The following WNK1 variants were observed in gnomAD, a reference collection of about 807,000 sequenced individuals.
The protein encoded by WNK1 is serine/threonine-protein kinase WNK1.
In WNK1, 38 loss-of-function variants were observed where a neutral mutation model predicts 222.8. The observed-to-expected ratio is 0.17, with a 90% CI of 0.13 to 0.22. The LOEUF (loss-of-function observed/expected upper bound fraction) is 0.22, where lower values mean the gene tolerates loss of function less well. Among genes scored for constraint, WNK1 ranks in the 10% least tolerant of loss-of-function variants. The pLI is 1.00. For missense variants in WNK1, 2,348 were observed against 2,918.4 expected (o/e 0.80, Z 4.50); for synonymous variants, 1,090 against 1,092.9 (o/e 1.00, Z 0.05).
chr12:772,410 T>C (rs895346269), intron 1 of WNK1, among the ~76,000 whole-genome samples: 5 of 71,220 alleles, frequency 7.0e-5, no homozygotes, highest in Non-Finnish European at 1.8e-4. Context: ...TTGGGGTGTG[T>C]GTGTGTGTGT....
intron 2 of WNK1, among the ~76,000 whole-genome samples, chr12:818,384 G>A (rs1334204148): frequency 6.6e-6 from 1 of 152,190 alleles, no homozygotes; most frequent in Non-Finnish European, 1.5e-5. Flanking sequence ...GTGATTTTGG[G>A]CAAATAGCTA....
In WNK1 at chr12:884,894, A is replaced by G; in HGVS notation, c.4090A>G (p.Asn1364Asp). The change falls in exon 19 of 28, where the codon AAT (asparagine) becomes GAT (aspartate). Residue 1364 changes from asparagine to aspartate, a missense_variant. Physicochemically the swap from Asn to Asp is conservative, Grantham distance 23 (BLOSUM62 1). Transcript: ENST00000315939. This position sits in a 1 kb window ranked among gnomAD's most constrained non-coding sequence, Gnocchi z 5.6. ...APVPATSSPP[N>D]DISTSVIQSE... ...AGTCCCTGCAACAAGCAGCCCTCCT[A>G]ATGACATTTCCACATCAGTAATTCA... 1.2e-6 allele frequency: 2 copies of G among 1,614,050 alleles called. No individual in the cohort carries two copies. The highest frequency in any genetic ancestry group is 1.7e-6 in the Non-Finnish European group (2 of 1,179,992).
chr12:845,957 T>C (rs1949997997), intron 4 of WNK1, among the ~76,000 whole-genome samples: 1 of 152,218 alleles, frequency 6.6e-6, no homozygotes, highest in East Asian at 1.9e-4. Context: ...GATAATGTCT[T>C]CATTTCACAG....
chr12:894,370 A>T (rs1337926364), intron 22 of WNK1, among the ~76,000 whole-genome samples, 192 bp from the exon 23 acceptor site: 1 of 152,184 alleles, frequency 6.6e-6, no homozygotes, highest in Non-Finnish European at 1.5e-5. Flanking sequence ...GTTGGTATCT[A>T]GTAGTAGAGC....
intron 9 of WNK1, among the ~76,000 whole-genome samples, chr12:872,237 C>T (rs1455530605): frequency 6.6e-6 from 1 of 152,130 alleles, no homozygotes; most frequent in Non-Finnish European, 1.5e-5. Context: ...GCTATTCTCA[C>T]GCCTCAGCCG....
At chr12:893,876 A>G (rs2154092776) in intron 22 of WNK1, among the ~76,000 whole-genome samples, 1 of 144,938 alleles carries the variant, frequency 6.9e-6, no homozygotes, top group South Asian at 2.2e-4. Flanking sequence ...CTATTCTAGA[A>G]TTTGCCAGTG....
intron 20 of WNK1, among the ~76,000 whole-genome samples, chr12:887,998 C>T (rs1388477856): frequency 6.6e-6 from 1 of 152,142 alleles, no homozygotes; most frequent in Non-Finnish European, 1.5e-5. Flanking sequence ...TTTATTATTT[C>T]TCTTTCCCAC....
intron 9 of WNK1, among the ~76,000 whole-genome samples, chr12:875,454 T>C (rs1217266484): frequency 2.0e-5 from 3 of 152,204 alleles, no homozygotes; most frequent in Non-Finnish European, 2.9e-5. Flanking sequence ...GTTAGAAATG[T>C]TCATTGAGAA....
At chr12:801,202 C>T (rs1489909535) in intron 1 of WNK1, among the ~76,000 whole-genome samples, 2 of 152,136 alleles carry the variant, frequency 1.3e-5, no homozygotes, top group Non-Finnish European at 2.9e-5. Flanking sequence ...GCTGTTTATA[C>T]TGTCATTCTG....
At chr12:777,844 A>G (rs7973061) in intron 1 of WNK1, among the ~76,000 whole-genome samples, 1,542 of 152,324 alleles carry the variant, frequency 0.01, 28 homozygotes, top group African/African-American at 0.035. Flanking sequence ...AACAGTTTAC[A>G]GTATTTATCA....
intron 2 of WNK1, among the ~76,000 whole-genome samples, chr12:825,467 G>C (rs183829169): frequency 1.5e-3 from 223 of 152,028 alleles, no homozygotes; most frequent in African/African-American, 5.3e-3. Context: ...GCACAAATAA[G>C]GTTTTCATAT....
chr12:894,529 CTT>C (rs1459815469), intron 22 of WNK1, 31 bp from the exon 23 acceptor site: 1 of 1,573,434 alleles, frequency 6.4e-7, no homozygotes, highest in Non-Finnish European at 8.7e-7. Context: ...GAAGGAGACA[CTT>C]ATGTTTTCCT....
At chr12:775,007 GT>G (rs1942941263) in intron 1 of WNK1, among the ~76,000 whole-genome samples, 2 of 151,800 alleles carry the variant, frequency 1.3e-5, no homozygotes, top group African/African-American at 4.8e-5. Context: ...TCTTAATTCT[GT>G]TTTTCTTTTT....
chr12:821,145 G>C (rs750690431), intron 2 of WNK1, among the ~76,000 whole-genome samples: 2 of 142,654 alleles, frequency 1.4e-5, no homozygotes, highest in Non-Finnish European at 3.0e-5. Context: ...CTATTAGTGT[G>C]ATATATTATA....
chr12:908,456 G>T lies in WNK1; in HGVS notation c.6832-19G>T, dbSNP rs368096294. On this transcript the variant is annotated intron_variant, in intron 27 of 27. Coordinates refer to ENST00000315939, the MANE Select transcript of WNK1 (RefSeq NM_018979.4). ...CCATGGCCCACACCAGACTTGACAC[G>T]TGGTGGTTTTGTTTTCAGGGCCCTG... The T allele has an allele frequency of 1.2e-6, 2 of 1,613,900 alleles. No homozygotes were observed. The highest frequency in any genetic ancestry group is 1.1e-5 in the South Asian group (1 of 91,086).
intron 1 of WNK1, among the ~76,000 whole-genome samples, chr12:762,430 G>A (rs1411626380): frequency 3.4e-5 from 5 of 147,624 alleles, no homozygotes; most frequent in Non-Finnish European, 6.0e-5. Flanking sequence ...TTATACTGTA[G>A]TGTTTTAAAA....
rs373443100 is a variant in WNK1, at chr12:881,800, C to T, written c.3209+11C>T. ...TTCCTCTGTAGACAGGTACGTAAAA[C>T]TAGAATTCTCCTTCCTTGACTGGTA... On this transcript the variant is annotated intron_variant, in intron 13 of 27. Coordinates refer to ENST00000315939, the MANE Select transcript of WNK1 (RefSeq NM_018979.4). 2.5e-5 allele frequency: 41 copies of T among 1,613,972 alleles called. No homozygotes were observed. In the African/African-American group the frequency reaches 5.5e-4, roughly 22 times the overall value.
chr12:884,242 A>G lies in WNK1; in HGVS notation c.3843A>G (p.Thr1281=). Reference sequence around the variant, plus strand: ...TTTTCCCCAGTGAAATAACAGATACAGGTAAGGGATTGATTCTGCCACATT... The same window carrying G: ...TTTTCCCCAGTGAAATAACAGATACGGGTAAGGGATTGATTCTGCCACATT... ...SKVFPSEITD[T]VAASTAQSPG... is the part of the protein sequence containing the mutation. Residue 1281 remains threonine, a splice_region_variant and synonymous_variant, in exon 18 of 28, where the codon ACA becomes ACG. Transcript: ENST00000315939. The surrounding 1 kb of genome is among the most constrained non-coding windows in gnomAD (Gnocchi z 5.6). 6.2e-7 allele frequency: 1 copy of G among 1,614,062 alleles called. No individual in the cohort carries two copies. The highest frequency in any genetic ancestry group is 1.3e-5 in the African/African-American group (1 of 75,050).
At chr12:772,431 G>GTA (rs72516316) in intron 1 of WNK1, among the ~76,000 whole-genome samples, 109,363 of 151,220 alleles carry the variant, frequency 0.72, 39,964 homozygotes, top group East Asian at 0.87. Context: ...GTGTATGTAT[G>GTA]TGTGTGTGTG....
Sources: gnomAD v4.1 joint callset for allele counts (sites outside exome capture counted in the v4.1 genomes callset) on GRCh38, gnomAD v4.1.1 for gene constraint, Gnocchi (gnomAD v3.1) non-coding constraint, MANE v1.5 for transcripts, NCBI Gene and HGNC (gene_info 2026-07-23, HGNC 2026-07-21) for gene names.